The following PTP4A1 variants were observed in gnomAD, a reference collection of about 807,000 sequenced individuals.
PTP4A1 encodes protein tyrosine phosphatase type IVA 1.
A neutral mutation model predicts 20.5 loss-of-function variants in PTP4A1; 9 were observed. The ratio of observed to expected loss-of-function variants is 0.44; its 90% CI spans 0.26 to 0.77. The LOEUF (loss-of-function observed/expected upper bound fraction) is 0.77. Among genes scored for constraint, PTP4A1 ranks in the 30% least tolerant of loss-of-function variants. The pLI, the probability that PTP4A1 is intolerant of heterozygous loss-of-function variation, is 0.19. For synonymous variants in PTP4A1, 78 were observed against 67.4 expected, an observed-to-expected ratio of 1.16 and a Z score of -0.77; for missense variants, 137 against 218.8, an observed-to-expected ratio of 0.63 and a Z score of 2.36.
chr6:63,549,580 A>C, intron 2 of PTP4A1: 1 of 602,978 alleles, frequency 1.7e-6, no homozygotes, highest in South Asian at 2.1e-5. Context: ...TTTTTTTTAA[A>C]GAAAACCTTT....
At chr6:63,518,875 G>A (rs1292821559), upstream of PTP4A1, among the ~76,000 whole-genome samples, 1 of 152,108 alleles carries the variant, frequency 6.6e-6, no homozygotes, top group African/African-American at 2.4e-5. Context: ...AGACTGTTTT[G>A]GAAGTCAGTA....
intron 2 of PTP4A1, among the ~76,000 whole-genome samples, chr6:63,536,441 G>C (rs1775731839): frequency 1.3e-5 from 2 of 152,152 alleles, no homozygotes; most frequent in Non-Finnish European, 2.9e-5. Context: ...AAAAGTTTAA[G>C]GATATCCCAT....
intron 3 of PTP4A1, among the ~76,000 whole-genome samples, chr6:63,562,183 T>C (rs1462594615): frequency 6.6e-6 from 1 of 151,582 alleles, no homozygotes; most frequent in African/African-American, 2.4e-5. Context: ...CTTAAAGACA[T>C]TAAGATATTT....
intron 1 of PTP4A1, among the ~76,000 whole-genome samples, chr6:63,575,461 T>C (rs1001010686): frequency 2.0e-5 from 3 of 152,214 alleles, no homozygotes; most frequent in African/African-American, 7.2e-5. Flanking sequence ...ATGTTTGATA[T>C]TGGCATAAAA....
upstream of PTP4A1, among the ~76,000 whole-genome samples, chr6:63,517,144 CTATTA>C (rs1185830424): frequency 6.6e-6 from 1 of 152,034 alleles, no homozygotes; most frequent in Non-Finnish European, 1.5e-5. Flanking sequence ...CTTATTATTA[CTATTA>C]TATTATTATT....
intron 2 of PTP4A1, among the ~76,000 whole-genome samples, chr6:63,528,950 G>A (rs1488118005): frequency 1.3e-5 from 2 of 151,766 alleles, no homozygotes; most frequent in African/African-American, 4.8e-5. Context: ...TTAGCTGGGC[G>A]TGGTGGCACA....
intron 1 of PTP4A1, among the ~76,000 whole-genome samples, chr6:63,575,583 C>T (rs1182826305): frequency 2.0e-5 from 3 of 152,170 alleles, no homozygotes; most frequent in Non-Finnish European, 4.4e-5. Flanking sequence ...CTTCCACCTT[C>T]AACATCCCTT....
At position 63,580,261 on chromosome 6, in the gene PTP4A1, G is replaced by C; in HGVS notation, c.*87G>C. The C allele has an allele frequency of 9.1e-7, 1 of 1,096,600 alleles. No homozygotes were observed. The highest frequency in any genetic ancestry group is 2.4e-5 in the East Asian group (1 of 42,318). 67.9% of individuals were successfully genotyped at this position (1,096,600 alleles called of 1,614,324 possible). A position where few individuals can be genotyped will look rare whatever the true frequency, so the allele number is the denominator to read the frequency against. On this transcript the variant is annotated 3_prime_UTR_variant, in exon 6 of 6. Transcript: ENST00000626021. ...ATTAGCCAACATGTTGGCTTAGTAAGTCTAATGAAGCTTCCATAGGAGTAT... is the reference window on the plus strand; with the variant it reads ...ATTAGCCAACATGTTGGCTTAGTAACTCTAATGAAGCTTCCATAGGAGTAT...
intron 2 of PTP4A1, chr6:63,549,504 G>T (rs905983380): frequency 6.7e-6 from 5 of 742,840 alleles, no homozygotes; most frequent in Non-Finnish European, 1.2e-5. Context: ...CTTTCCTTTC[G>T]GCAGGAGGAG....
chr6:63,518,671 T>C (rs1407542347), upstream of PTP4A1, among the ~76,000 whole-genome samples: 1 of 152,232 alleles, frequency 6.6e-6, no homozygotes, highest in African/African-American at 2.4e-5. Flanking sequence ...GCTAAGGTTC[T>C]TTCTAGCAAG....
intron 1 of PTP4A1, among the ~76,000 whole-genome samples, chr6:63,523,375 A>T (rs931462162): frequency 9.9e-5 from 15 of 152,020 alleles, no homozygotes; most frequent in African/African-American, 3.6e-4. Flanking sequence ...TCTACTAGAA[A>T]ACACAAAAAT....
chr6:63,570,678 C>T (rs1162745449), upstream of PTP4A1, among the ~76,000 whole-genome samples: 4 of 152,224 alleles, frequency 2.6e-5, no homozygotes, highest in Admixed American at 6.5e-5. Flanking sequence ...AATGCCATTA[C>T]ATGAAAAAGT....
chr6:63,528,385 C>A (rs1487475522), intron 2 of PTP4A1, among the ~76,000 whole-genome samples: 2 of 151,874 alleles, frequency 1.3e-5, no homozygotes, highest in Non-Finnish European at 2.9e-5. Flanking sequence ...CGCTTGAGCC[C>A]AGCAATTAGA....
At chr6:63,522,831 G>A (rs1044829207) in intron 1 of PTP4A1, among the ~76,000 whole-genome samples, 1 of 150,596 alleles carries the variant, frequency 6.6e-6, no homozygotes, top group Non-Finnish European at 1.5e-5. Context: ...CTTTGAGGTC[G>A]TGAAATGATC....
intron 1 of PTP4A1, among the ~76,000 whole-genome samples, chr6:63,523,153 A>G (rs1775007829): frequency 1.3e-5 from 2 of 152,074 alleles, no homozygotes; most frequent in South Asian, 4.1e-4. Flanking sequence ...GGCACGAGCC[A>G]TAGTACCCAG....
At chr6:63,554,613 C>T (rs1389428694) in intron 3 of PTP4A1, among the ~76,000 whole-genome samples, 1 of 152,128 alleles carries the variant, frequency 6.6e-6, no homozygotes. Flanking sequence ...GCCTGGCCAA[C>T]ATGGTGAAAC....
At chr6:63,526,839 A>G (rs1430583229) in intron 1 of PTP4A1, among the ~76,000 whole-genome samples, 1 of 141,434 alleles carries the variant, frequency 7.1e-6, no homozygotes, top group African/African-American at 2.6e-5. Context: ...ATATATATTT[A>G]TTTATTTATT....
chr6:63,568,006 G>C (rs1777262213), upstream of PTP4A1, among the ~76,000 whole-genome samples: 1 of 152,192 alleles, frequency 6.6e-6, no homozygotes, highest in Non-Finnish European at 1.5e-5. Flanking sequence ...AAAATGAAGA[G>C]AGTTAAGGCC....
In PTP4A1 at chr6:63,536,168, C is replaced by G. The variant is rs72506401; in HGVS notation, c.-640+8084C>G. On this transcript the variant is annotated intron_variant, in intron 2 of 3. Transcript: ENST00000639568. ...CCAACAAGATGAAACCACGTCTCTA[C>G]CAAAATACAAAAATTAGCTGGGCGT... 1.2e-4 allele frequency among the ~76,000 whole-genome samples: 19 copies of G among 152,150 alleles called. No individual in the cohort carries two copies. The East Asian group carries it at 3.3e-3, about 27-fold the overall frequency.
Sources: allele counts gnomAD v4.1 joint callset (sites outside exome capture counted in the v4.1 genomes callset), GRCh38; gene constraint gnomAD v4.1.1; transcripts MANE v1.5; gene names NCBI Gene and HGNC (gene_info 2026-07-23, HGNC 2026-07-21).